The following PKNOX2 variants were observed in gnomAD, a reference collection of about 807,000 sequenced individuals.
The protein encoded by PKNOX2 is PBX/knotted 1 homeobox 2.
PKNOX2 carries 14 observed loss-of-function variants against 53.1 expected under a neutral mutation model. The observed-to-expected ratio is 0.26, with a 90% CI of 0.17 to 0.41. PKNOX2 has a LOEUF of 0.41. Among genes scored for constraint, PKNOX2 ranks in the 10% least tolerant of loss-of-function variants. The probability of loss-of-function intolerance (pLI) is 1.00; values close to 1 mark genes in which losing one functional copy is unlikely to be tolerated. For synonymous variants in PKNOX2, 257 were observed against 242.8 expected, an observed-to-expected ratio of 1.06 and a Z score of -0.54; for missense variants, 496 against 602.8, an observed-to-expected ratio of 0.82 and a Z score of 1.85.
intron 2 of PKNOX2, among the ~76,000 whole-genome samples, chr11:125,307,298 C>G (rs11827734): frequency 0.078 from 11,895 of 152,144 alleles, 748 homozygotes; most frequent in East Asian, 0.2. Flanking sequence ...ATAAAGGGAG[C>G]CTGGGTGCGG....
At chr11:125,382,422 G>A (rs369753544) in intron 5 of PKNOX2, among the ~76,000 whole-genome samples, 9 of 152,330 alleles carry the variant, frequency 5.9e-5, no homozygotes, top group African/African-American at 1.4e-4. Flanking sequence ...GGGTTGCAGC[G>A]GGGGCCGCAC....
At chr11:125,360,993 G>A (rs143099519) in intron 4 of PKNOX2, among the ~76,000 whole-genome samples, 2 of 151,916 alleles carry the variant, frequency 1.3e-5, no homozygotes, top group South Asian at 2.1e-4. Flanking sequence ...TCCAGCTCTG[G>A]GCTGGACACC....
At chr11:125,275,839 A>G (rs1946115666) in intron 2 of PKNOX2, among the ~76,000 whole-genome samples, 1 of 152,124 alleles carries the variant, frequency 6.6e-6, no homozygotes, top group Non-Finnish European at 1.5e-5. Flanking sequence ...TTGAATACAG[A>G]TGTCTGGGTG....
At chr11:125,249,603 T>C (rs547001704) in intron 2 of PKNOX2, among the ~76,000 whole-genome samples, 1 of 152,152 alleles carries the variant, frequency 6.6e-6, no homozygotes, top group African/African-American at 2.4e-5. Context: ...TGGGAGAATA[T>C]GTGTAGGTTA....
chr11:125,425,568 A>G (rs1956370821), intron 10 of PKNOX2, among the ~76,000 whole-genome samples: 1 of 150,120 alleles, frequency 6.7e-6, no homozygotes, highest in Non-Finnish European at 1.5e-5. Context: ...TAACGATCAG[A>G]GAGCAGCCAC....
At chr11:125,233,779 C>T (rs904815927) in intron 1 of PKNOX2, among the ~76,000 whole-genome samples, 3 of 152,214 alleles carry the variant, frequency 2.0e-5, no homozygotes, top group African/African-American at 4.8e-5. Context: ...TGAAATTCCA[C>T]CTTCTTCCAA....
intron 5 of PKNOX2, 151 bp downstream of exon 5, chr11:125,368,136 C>A: frequency 1.0e-6 from 1 of 974,042 alleles, no homozygotes. Flanking sequence ...TCTACTCAAT[C>A]CAGAAACCCC....
chr11:125,301,820 A>C (rs1340181165), intron 2 of PKNOX2, among the ~76,000 whole-genome samples: 1 of 152,194 alleles, frequency 6.6e-6, no homozygotes, highest in Non-Finnish European at 1.5e-5. Context: ...CCATCTTTCT[A>C]ATTCTCCCTT....
chr11:125,341,049 CAAAAAAAAAAA>C (rs58556639), intron 3 of PKNOX2, among the ~76,000 whole-genome samples: 1 of 46,072 alleles, frequency 2.2e-5, no homozygotes, highest in Non-Finnish European at 4.4e-5. Context: ...GACTCCATCT[CAAAAAAAAAAA>C]AAAAAAAAAA....
At chr11:125,167,521 G>A (rs1453738044) in intron 1 of PKNOX2, among the ~76,000 whole-genome samples, 1 of 152,228 alleles carries the variant, frequency 6.6e-6, no homozygotes, top group Non-Finnish European at 1.5e-5. Flanking sequence ...AGCGGGAAAG[G>A]CTTGAAAGCC....
At chr11:125,378,974 G>T (rs73628721) in intron 5 of PKNOX2, among the ~76,000 whole-genome samples, 3,722 of 106,266 alleles carry the variant, frequency 0.035, 121 homozygotes, top group African/African-American at 0.13. Flanking sequence ...AGAAATGTTT[G>T]TTTTTTTTTT....
chr11:125,203,997 C>T (rs1565468542), intron 1 of PKNOX2, among the ~76,000 whole-genome samples: 1 of 152,116 alleles, frequency 6.6e-6, no homozygotes, highest in Non-Finnish European at 1.5e-5. Flanking sequence ...GAGGGTGGGG[C>T]ACCTTTGTTT....
intron 1 of PKNOX2, among the ~76,000 whole-genome samples, chr11:125,228,681 G>A (rs964173862): frequency 2.0e-5 from 3 of 152,198 alleles, no homozygotes; most frequent in Admixed American, 2.0e-4. Context: ...CATGGTGTAA[G>A]CAATCTGCAT....
intron 2 of PKNOX2, among the ~76,000 whole-genome samples, chr11:125,318,478 T>C (rs1358824713): frequency 6.6e-6 from 1 of 152,062 alleles, no homozygotes; most frequent in African/African-American, 2.4e-5. Flanking sequence ...TTGAAGAGAG[T>C]TATGGCCTTG....
At chr11:125,229,186 A>G (rs1565474340) in intron 1 of PKNOX2, among the ~76,000 whole-genome samples, 2 of 151,342 alleles carry the variant, frequency 1.3e-5, no homozygotes, top group Non-Finnish European at 2.9e-5. Flanking sequence ...CACCCCCACC[A>G]CCCCCACACT....
intron 1 of PKNOX2, among the ~76,000 whole-genome samples, chr11:125,184,579 T>C (rs768739895): frequency 3.9e-5 from 6 of 152,064 alleles, no homozygotes; most frequent in Non-Finnish European, 8.8e-5. Flanking sequence ...AGCCCACCAG[T>C]GTGGAAAGAA....
chr11:125,426,888 G>A (rs532305501), intron 10 of PKNOX2, among the ~76,000 whole-genome samples: 18 of 152,304 alleles, frequency 1.2e-4, no homozygotes, highest in Admixed American at 6.5e-4. Context: ...TCAGGGAGTC[G>A]GGAAGGGCCT....
At position 125,321,145 on chromosome 11, in the gene PKNOX2, C is replaced by A. The variant is rs181512350; in HGVS notation, c.-129-10674C>A. ...GAGGGCATCCCAGTCTTGGAACAAG[C>A]AAAGGCCTGGAGGTGTCTAAAAGTG... On this transcript the variant is annotated intron_variant, in intron 2 of 12. Transcript: ENST00000298282. Among the ~76,000 whole-genome samples the A allele has an allele frequency of 3.7e-3, 564 of 152,284 alleles. 1 individual carries two copies. The highest frequency in any genetic ancestry group is 0.023 in the South Asian group (110 of 4,826).
chr11:125,273,917 A>G (rs1213675258), intron 2 of PKNOX2, among the ~76,000 whole-genome samples: 9 of 152,164 alleles, frequency 5.9e-5, no homozygotes, highest in Admixed American at 5.9e-4. Context: ...ATGGACACGG[A>G]TGGTCATGTG....
Sources: allele counts gnomAD v4.1 joint callset (sites outside exome capture counted in the v4.1 genomes callset), GRCh38; gene constraint gnomAD v4.1.1; transcripts MANE v1.5; gene names NCBI Gene and HGNC (gene_info 2026-07-23, HGNC 2026-07-21).